Variants in NAV1 observed in about 807,000 individuals in gnomAD.
NAV1 encodes pore membrane and/or filament interacting like protein 3.
Under a neutral mutation model 175.2 loss-of-function variants are expected in NAV1, and 18 were observed. The observed-to-expected ratio is 0.10, with a 90% confidence interval of 0.07 to 0.15. The LOEUF is 0.15. Ranked by LOEUF, NAV1 falls within the 10% of genes least tolerant of loss-of-function variation. NAV1 has a pLI of 1.00. For synonymous variants in NAV1, 897 were observed against 978.7 expected (o/e 0.92, Z 1.56); for missense variants, 1,731 against 2,436.6 (o/e 0.71, Z 6.10).
chr1:201,750,277 A>T lies in NAV1; in HGVS notation c.1227-30144A>T, dbSNP rs1674019917. Among the ~76,000 whole-genome samples the T allele has an allele frequency of 6.6e-6, 1 of 152,150 alleles. No individual in the cohort carries two copies. The highest frequency in any genetic ancestry group is 6.5e-5 in the Admixed American group (1 of 15,274). ...AAAACCCTTCCCTGGAAGTCTCCCA[A>T]AGCAGAAAAACACCCATTTGCGTGG... is the stretch of plus-strand genomic sequence containing the variant. On this transcript the variant is annotated intron_variant, in intron 3 of 29. Transcript: ENST00000367296. The surrounding 1 kb of genome is among the most constrained non-coding windows in gnomAD (Gnocchi z 4.1).
intron 3 of NAV1, among the ~76,000 whole-genome samples, chr1:201,730,127 T>C (rs1672787916): frequency 6.6e-6 from 1 of 152,214 alleles, no homozygotes; most frequent in Admixed American, 6.5e-5. Context: ...GGACTCTGGG[T>C]TGTCCTGGAA....
At chr1:201,826,505 T>C (rs1679682407) in exon 30 of NAV1, 1 of 152,216 alleles carries the variant, frequency 6.6e-6, no homozygotes, top group Non-Finnish European at 1.5e-5. Flanking sequence ...CAGCACCGTT[T>C]ATGTGACAGA....
Position 201,810,210 on chromosome 1 carries a change from A to G in NAV1, c.4561+105A>G. On this transcript the variant is annotated intron_variant, in intron 23 of 29. Coordinates refer to ENST00000367296, the Ensembl canonical transcript of NAV1. The surrounding 1 kb of genome is among the most constrained non-coding windows in gnomAD (Gnocchi z 6.0). ...TTCACCAAGAACTCACTGAGAAGGTATAATATGAAGATGCTTAAGTAATGT... is the reference window on the plus strand; with the variant it reads ...TTCACCAAGAACTCACTGAGAAGGTGTAATATGAAGATGCTTAAGTAATGT... The G allele has an allele frequency of 2.1e-6, 3 of 1,440,944 alleles. No individual in the cohort carries two copies. Among genetic ancestry groups the G allele is most frequent in the Middle Eastern group, 2.5e-4 (1 of 4,072 alleles). 89.3% of individuals were successfully genotyped at this position (1,440,944 alleles called of 1,614,324 possible).
At chr1:201,803,883 C>A (rs751083739) in intron 16 of NAV1, among the ~76,000 whole-genome samples, 169 bp downstream of exon 20, 4 of 152,134 alleles carry the variant, frequency 2.6e-5, no homozygotes, top group Non-Finnish European at 5.9e-5. Flanking sequence ...TCCCTTCCCT[C>A]AATCATTTCC....
At chr1:201,568,940 A>T (rs896032242) in intron 1 of NAV1, among the ~76,000 whole-genome samples, 4 of 152,084 alleles carry the variant, frequency 2.6e-5, no homozygotes, top group Non-Finnish European at 4.4e-5. Flanking sequence ...GGAAGGTCAG[A>T]CTGGGAAGGT....
chr1:201,699,514 C>G (rs887158747), intron 1 of NAV1, among the ~76,000 whole-genome samples: 10 of 152,148 alleles, frequency 6.6e-5, no homozygotes, highest in African/African-American at 2.4e-4. Context: ...GGCCATACTG[C>G]CCAAGGTAAT....
intron 1 of NAV1, among the ~76,000 whole-genome samples, chr1:201,658,990 GC>G (rs1400675657): frequency 3.9e-5 from 6 of 152,200 alleles, no homozygotes; most frequent in African/African-American, 1.4e-4. Flanking sequence ...CAGTTGCCAT[GC>G]CCTGGGAATT....
At position 201,701,781 on chromosome 1, in the gene NAV1, G is replaced by A. The variant is rs149663827; in HGVS notation, c.758-11036G>A. On this transcript the variant is annotated intron_variant, in intron 1 of 29. Transcript: ENST00000367296. ...ATTGGAACTCTCATATACTGCTGAT[G>A]GGAATGAGAAATGGAGCAGCCACTT... 1.0e-2 allele frequency among the ~76,000 whole-genome samples: 1,521 copies of A among 152,332 alleles called. 12 individuals carry two copies. Among genetic ancestry groups the A allele is most frequent in the Middle Eastern group, 0.017 (5 of 294 alleles).
chr1:201,572,230 G>A (rs1666565771), intron 1 of NAV1, among the ~76,000 whole-genome samples: 1 of 152,138 alleles, frequency 6.6e-6, no homozygotes, highest in Non-Finnish European at 1.5e-5. Context: ...CTTCTGCAGG[G>A]GCCACAGCAT....
chr1:201,821,818 C>T (rs1679400897), exon 30 of NAV1: 1 of 152,166 alleles, frequency 6.6e-6, no homozygotes, highest in Non-Finnish European at 1.5e-5. Flanking sequence ...CCCCGCGGGA[C>T]CAGCTTCTAG....
intron 1 of NAV1, among the ~76,000 whole-genome samples, chr1:201,555,350 G>T (rs987736929): frequency 6.6e-6 from 1 of 152,124 alleles, no homozygotes; most frequent in Non-Finnish European, 1.5e-5. Flanking sequence ...ATGTGACCTC[G>T]TTCAAATCTC....
At chr1:201,677,625 TTTTG>T (rs537842893) in intron 1 of NAV1, among the ~76,000 whole-genome samples, 26 of 152,056 alleles carry the variant, frequency 1.7e-4, no homozygotes, top group African/African-American at 6.3e-4. Context: ...TCACCATCTT[TTTTG>T]TTTGTTTGTT....
At chr1:201,815,254 C>G (rs1262623359) in intron 28 of NAV1, among the ~76,000 whole-genome samples, 1 of 151,792 alleles carries the variant, frequency 6.6e-6, no homozygotes, top group Non-Finnish European at 1.5e-5. Flanking sequence ...GGAGGAAATT[C>G]AAAGCCAGGC....
At chr1:201,619,153 C>A (rs893930707), upstream of NAV1, among the ~76,000 whole-genome samples, 11 of 152,352 alleles carry the variant, frequency 7.2e-5, no homozygotes, top group African/African-American at 2.6e-4. Flanking sequence ...AATCCTCCTC[C>A]CATCGAGCTT....
intron 2 of NAV1, among the ~76,000 whole-genome samples, chr1:201,715,750 G>A (rs1672115418): frequency 6.6e-6 from 1 of 152,196 alleles, no homozygotes; most frequent in Non-Finnish European, 1.5e-5. Flanking sequence ...TTTCACCCAG[G>A]AACTCCCAGG....
At chr1:201,651,712 C>A (rs1217896531) in intron 1 of NAV1, among the ~76,000 whole-genome samples, 7 of 152,076 alleles carry the variant, frequency 4.6e-5, no homozygotes, top group Admixed American at 1.3e-4. Flanking sequence ...GGCAGAGGGA[C>A]CTGCCCAAGG....
chr1:201,746,346 T>C (rs1673770880), intron 3 of NAV1, among the ~76,000 whole-genome samples: 1 of 152,180 alleles, frequency 6.6e-6, no homozygotes, highest in Non-Finnish European at 1.5e-5. Flanking sequence ...ATATTTATGC[T>C]GTGTCATGTC....
At chr1:201,642,913 G>T (rs966023641) in intron 2 of NAV1, among the ~76,000 whole-genome samples, 7 of 151,306 alleles carry the variant, frequency 4.6e-5, no homozygotes, top group Non-Finnish European at 7.4e-5. Flanking sequence ...GGGACTACAG[G>T]CGCCCACCAC....
chr1:201,545,666 T>G (rs1266052773), intron 1 of NAV1, among the ~76,000 whole-genome samples: 1 of 152,218 alleles, frequency 6.6e-6, no homozygotes, highest in Admixed American at 6.5e-5. Context: ...GGTGCACCAC[T>G]CCATTTATGA....
Sources: allele counts gnomAD v4.1 joint callset (sites outside exome capture counted in the v4.1 genomes callset), GRCh38; gene constraint gnomAD v4.1.1; non-coding constraint Gnocchi (gnomAD v3.1); transcripts MANE v1.5; gene names NCBI Gene and HGNC (gene_info 2026-07-23, HGNC 2026-07-21).